Variants in PIK3C2G observed in about 807,000 individuals in gnomAD.
PIK3C2G encodes the protein phosphatidylinositol 3-kinase C2 domain-containing subunit gamma.
A neutral mutation model predicts 181.1 loss-of-function variants in PIK3C2G; 168 were observed. The observed-to-expected ratio is 0.93, with a 90% CI of 0.82 to 1.05. PIK3C2G has a LOEUF of 1.05. Ranked by LOEUF, PIK3C2G falls within the 50% of genes least tolerant of loss-of-function variation. The pLI is 0.00. For synonymous variants in PIK3C2G, 573 were observed against 592.2 expected (o/e 0.97, Z 0.47); for missense variants, 1,869 against 1,732.8 (o/e 1.08, Z -1.40).
chr12:18,654,311 AT>A, the PIK3C2G span, among the ~76,000 whole-genome samples: 1 of 149,270 alleles, frequency 6.7e-6, no homozygotes, highest in African/African-American at 2.5e-5. Context: ...AAAAAAAAAA[AT>A]CTATCAGATA....
chr12:18,521,234 G>A (rs964734088), intron 24 of PIK3C2G, among the ~76,000 whole-genome samples: 17 of 152,176 alleles, frequency 1.1e-4, no homozygotes, highest in African/African-American at 3.9e-4. Context: ...TGGGTGGCAT[G>A]GGGAGCAGGA....
chr12:18,349,087 A>G (rs1939967438), intron 11 of PIK3C2G, among the ~76,000 whole-genome samples: 1 of 152,180 alleles, frequency 6.6e-6, no homozygotes. Flanking sequence ...AAGGAATGAG[A>G]GAGAGTCCAT....
chr12:18,598,344 G>A (rs968426726), intron 30 of PIK3C2G, among the ~76,000 whole-genome samples: 2,374 of 151,508 alleles, frequency 0.016, 68 homozygotes, highest in African/African-American at 0.054. Flanking sequence ...AAAAAACGCC[G>A]CATATCTACA....
chr12:18,409,250 A>T (rs998895214), intron 16 of PIK3C2G, among the ~76,000 whole-genome samples: 1 of 152,184 alleles, frequency 6.6e-6, no homozygotes, highest in Non-Finnish European at 1.5e-5. Flanking sequence ...CTTTGCAGGG[A>T]CATGGATGAA....
intron 30 of PIK3C2G, among the ~76,000 whole-genome samples, chr12:18,596,828 A>G (rs1048790159): frequency 5.3e-5 from 8 of 152,068 alleles, no homozygotes; most frequent in African/African-American, 1.7e-4. Flanking sequence ...TCAATTATCC[A>G]TGGGTTGAAG....
chr12:18,502,553 C>T (rs1693538842), intron 22 of PIK3C2G, among the ~76,000 whole-genome samples: 4 of 152,134 alleles, frequency 2.6e-5, no homozygotes, highest in Admixed American at 2.6e-4. Flanking sequence ...AGTACTGGAT[C>T]TAAATTGCTG....
rs1491046164 is a variant in PIK3C2G at position 18,303,144 on chromosome 12, T to TTTCTTTC, written c.1034+9131_1034+9132insCTTTCTT. 1.1e-3 allele frequency among the ~76,000 whole-genome samples: 119 copies of TTTCTTTC among 110,616 alleles called. 1 individual carries two copies. The highest frequency in any genetic ancestry group is 3.9e-3 in the African/African-American group (112 of 28,482). The allele number at this position is 110,616 out of a possible 152,430, so 72.6% of individuals were successfully genotyped here. A position where few individuals can be genotyped will look rare whatever the true frequency, so the allele number is the denominator to read the frequency against. On this transcript the variant is annotated intron_variant, in intron 5 of 32. Coordinates refer to ENST00000538779, the MANE Select transcript of PIK3C2G (RefSeq NM_001288772.2). Reference sequence around the variant, plus strand: ...TTTCTTTCTTTCTTTCTTTCTTTTCTTTTCTTTCTTCTTTCTCTTTCTTTC... The same window carrying TTTCTTTC: ...TTTCTTTCTTTCTTTCTTTCTTTTCTTTCTTTCTTTCTTTCTTCTTTCTCTTTCTTTC...
intron 5 of PIK3C2G, among the ~76,000 whole-genome samples, chr12:18,310,829 T>A (rs1829010340): frequency 6.6e-6 from 1 of 151,894 alleles, no homozygotes; most frequent in African/African-American, 2.4e-5. Flanking sequence ...TTACTATAAC[T>A]TGGATAGCTG....
chr12:18,263,297 A>G (rs1208875686), intron 1 of PIK3C2G, among the ~76,000 whole-genome samples: 1 of 152,144 alleles, frequency 6.6e-6, no homozygotes, highest in African/African-American at 2.4e-5. Context: ...CATTGGGGAC[A>G]GAGAAAACAG....
chr12:18,285,038 T>A (rs190300974), intron 2 of PIK3C2G, among the ~76,000 whole-genome samples: 1 of 151,830 alleles, frequency 6.6e-6, no homozygotes, highest in Non-Finnish European at 1.5e-5. Flanking sequence ...ACAACCCAAA[T>A]AGAATAAATG....
chr12:18,503,511 G>A (rs1941637855), intron 23 of PIK3C2G, 94 bp downstream of exon 23: 1 of 876,644 alleles, frequency 1.1e-6, no homozygotes, highest in Non-Finnish European at 1.6e-6. Flanking sequence ...AGTAAATTAA[G>A]TGCACTTTGA....
intron 16 of PIK3C2G, among the ~76,000 whole-genome samples, chr12:18,401,587 ACTGACAGAATAAGAGAAAATAAATAT>A (rs1944253356): frequency 6.6e-6 from 1 of 152,156 alleles, no homozygotes; most frequent in Non-Finnish European, 1.5e-5. Flanking sequence ...GACAGTCACA[ACTGACAGAATAAGAGAAAATAAATAT>A]CTGACAAGGA....
chr12:18,415,165 A>G (rs928808052), intron 16 of PIK3C2G, among the ~76,000 whole-genome samples: 1 of 152,222 alleles, frequency 6.6e-6, no homozygotes, highest in African/African-American at 2.4e-5. Context: ...TGTAATTCAC[A>G]GATAGTGTGT....
chr12:18,346,891 A>G, intron 11 of PIK3C2G, 55 bp downstream of exon 11: 3 of 1,178,598 alleles, frequency 2.5e-6, no homozygotes, highest in Non-Finnish European at 3.6e-6. Context: ...GCTTCTAAGT[A>G]GAATGCAATT....
chr12:18,458,477 A>G (rs190414147), intron 18 of PIK3C2G, among the ~76,000 whole-genome samples: 1 of 152,226 alleles, frequency 6.6e-6, no homozygotes, highest in Admixed American at 6.5e-5. Flanking sequence ...CAAATAATTC[A>G]GTGTCCTAAA....
chr12:18,372,793 G>A (rs893328755), intron 13 of PIK3C2G: 4 of 152,118 alleles, frequency 2.6e-5, no homozygotes, highest in South Asian at 4.1e-4. Context: ...AGATGGTTAC[G>A]ATAGTAAAAA....
intron 7 of PIK3C2G, among the ~76,000 whole-genome samples, chr12:18,322,630 A>G (rs564761314): frequency 3.9e-5 from 6 of 152,262 alleles, no homozygotes; most frequent in Admixed American, 1.3e-4. Context: ...AGGCCATTCT[A>G]GTCATCAGTG....
chr12:18,445,730 CTTAT>C (rs975692093), intron 18 of PIK3C2G, among the ~76,000 whole-genome samples: 44 of 152,172 alleles, frequency 2.9e-4, no homozygotes, highest in African/African-American at 1.0e-3. Context: ...CAAATAAAAT[CTTAT>C]TTACTTTAGA....
intron 24 of PIK3C2G, among the ~76,000 whole-genome samples, chr12:18,523,543 G>C (rs1404096225): frequency 6.6e-6 from 1 of 152,226 alleles, no homozygotes; most frequent in African/African-American, 2.4e-5. Context: ...GCATGGGGAA[G>C]ACAACAAGAG....
Sources: gnomAD v4.1 joint callset for allele counts (sites outside exome capture counted in the v4.1 genomes callset) on GRCh38, gnomAD v4.1.1 for gene constraint, MANE v1.5 for transcripts, NCBI Gene and HGNC (gene_info 2026-07-23, HGNC 2026-07-21) for gene names.